DGAT2: variants seen among roughly 807,000 people sequenced by gnomAD.
DGAT2 encodes the protein acyl-CoA retinol O-fatty-acyltransferase.
DGAT2 carries 33 observed loss-of-function variants against 48.4 expected under a neutral mutation model. The observed-to-expected ratio is 0.68, with a 90% CI of 0.52 to 0.91. The LOEUF is 0.91. Ranked by LOEUF, DGAT2 falls within the 40% of genes least tolerant of loss-of-function variation. The probability of loss-of-function intolerance (pLI) is 0.00; values close to 1 mark genes in which losing one functional copy is unlikely to be tolerated. For missense variants in DGAT2, 446 were observed against 493.7 expected (o/e 0.90, Z 0.92); for synonymous variants, 191 against 194.1 (o/e 0.98, Z 0.13).
intron 2 of DGAT2, among the ~76,000 whole-genome samples, chr11:75,785,627 C>A (rs150561662): frequency 6.6e-6 from 1 of 152,198 alleles, no homozygotes; most frequent in South Asian, 2.1e-4. Context: ...TTCCTCAGCA[C>A]GTCAAGGCAG....
At chr11:75,790,806 C>A in intron 4 of DGAT2, 75 bp downstream of exon 4, 1 of 1,523,064 alleles carries the variant, frequency 6.6e-7, no homozygotes, top group Non-Finnish European at 9.1e-7. Flanking sequence ...AACCCACCCA[C>A]AGGGAAGCAA....
intron 2 of DGAT2, among the ~76,000 whole-genome samples, chr11:75,788,441 T>C (rs2135772174): frequency 6.6e-6 from 1 of 152,308 alleles, no homozygotes; most frequent in Non-Finnish European, 1.5e-5. Context: ...TCCTGAAAAA[T>C]TGGACATCTC....
At chr11:75,785,546 G>A (rs572297579) in intron 2 of DGAT2, among the ~76,000 whole-genome samples, 20 of 152,318 alleles carry the variant, frequency 1.3e-4, no homozygotes, top group Admixed American at 5.9e-4. Flanking sequence ...AGGACAACAC[G>A]AATGTCTGAG....
intron 7 of DGAT2, among the ~76,000 whole-genome samples, 161 bp downstream of exon 7, chr11:75,798,590 G>A (rs1380796944): frequency 1.3e-5 from 2 of 149,716 alleles, no homozygotes; most frequent in African/African-American, 4.9e-5. Context: ...TGGTCAGGAG[G>A]GGTAGTAGTA....
In DGAT2 at chr11:75,769,056, G is replaced by A; in HGVS notation, c.65G>A (p.Arg22Gln). Residue 22 changes from arginine (R) to glutamine (Q), a missense_variant, in exon 1 of 8, where the codon CGG (arginine) becomes CAG (glutamine). Physicochemically the swap from Arg to Gln is conservative, Grantham distance 43. Coordinates refer to ENST00000228027, the MANE Select transcript of DGAT2 (RefSeq NM_032564.5). ...GGCGAGCGTCAGGCCGAGGCTGACC[G>A]GAGCCAGCGCTCTCACGGAGGACCT... ...LRGERQAEAD[R>Q]SQRSHGGPAL... 6.3e-7 allele frequency: 1 copy of A among 1,582,052 alleles called. No homozygotes were observed. The highest frequency in any genetic ancestry group is 8.6e-7 in the Non-Finnish European group (1 of 1,166,892).
intron 1 of DGAT2, among the ~76,000 whole-genome samples, chr11:75,783,339 C>T (rs980939429): frequency 6.6e-6 from 1 of 152,216 alleles, no homozygotes; most frequent in African/African-American, 2.4e-5. Flanking sequence ...CTTCCTTCCT[C>T]CTAAAAGTCA....
intron 7 of DGAT2, 125 bp from the exon 8 acceptor site, chr11:75,800,228 TA>T: frequency 8.3e-7 from 1 of 1,206,840 alleles, no homozygotes; most frequent in Non-Finnish European, 1.1e-6. Flanking sequence ...ATGCAGCACA[TA>T]AAGCATTTGG....
intron 4 of DGAT2, 64 bp from the exon 5 acceptor site, chr11:75,796,264 C>T (rs562950847): frequency 1.0e-4 from 149 of 1,452,472 alleles, no homozygotes; most frequent in Non-Finnish European, 1.4e-4. Flanking sequence ...CCTCCCTACC[C>T]TCCGGGTATG....
At chr11:75,785,747 T>TA (rs1944916006) in intron 2 of DGAT2, among the ~76,000 whole-genome samples, 1 of 152,198 alleles carries the variant, frequency 6.6e-6, no homozygotes, top group Non-Finnish European at 1.5e-5. Context: ...CATCAGGACT[T>TA]ACCATGTCAG....
chr11:75,772,265 G>C (rs981618682), intron 1 of DGAT2, among the ~76,000 whole-genome samples: 1 of 152,150 alleles, frequency 6.6e-6, no homozygotes, highest in Non-Finnish European at 1.5e-5. Flanking sequence ...TGGCTGCCAG[G>C]TGAATGCCAG....
chr11:75,791,278 T>TG (rs1944986669), intron 4 of DGAT2, among the ~76,000 whole-genome samples: 1 of 152,210 alleles, frequency 6.6e-6, no homozygotes, highest in South Asian at 2.1e-4. Context: ...CCTGGTGTGT[T>TG]GCCTGGGGGC....
intron 1 of DGAT2, among the ~76,000 whole-genome samples, chr11:75,783,144 T>C (rs531404250): frequency 5.3e-5 from 8 of 152,340 alleles, no homozygotes; most frequent in Admixed American, 5.2e-4. Context: ...AGTGGTGTTA[T>C]TAGATGCTAC....
intron 1 of DGAT2, among the ~76,000 whole-genome samples, chr11:75,771,341 G>A (rs1165264518): frequency 6.6e-6 from 1 of 152,028 alleles, no homozygotes; most frequent in Non-Finnish European, 1.5e-5. Context: ...CCTTTGGATT[G>A]GGGGCTCTTC....
intron 1 of DGAT2, among the ~76,000 whole-genome samples, chr11:75,771,410 A>G (rs1004092680): frequency 2.0e-5 from 3 of 152,106 alleles, no homozygotes. Flanking sequence ...AGGACCTAGC[A>G]TGAGATGTTG....
At chr11:75,772,557 C>G (rs1186043704) in intron 1 of DGAT2, among the ~76,000 whole-genome samples, 1 of 152,186 alleles carries the variant, frequency 6.6e-6, no homozygotes, top group African/African-American at 2.4e-5. Context: ...CCTGGCCACC[C>G]TATCTAGAGA....
At chr11:75,798,679 G>A (rs1329307352) in intron 7 of DGAT2, among the ~76,000 whole-genome samples, 9 of 152,200 alleles carry the variant, frequency 5.9e-5, no homozygotes, top group African/African-American at 1.7e-4. Flanking sequence ...CTCTGGGTTT[G>A]CAGCACCCAC....
Position 75,768,926 on chromosome 11 carries a change from G to A in DGAT2, c.-66G>A, listed in dbSNP as rs1944727212. The A allele has an allele frequency of 7.3e-7, 1 of 1,376,248 alleles. No individual in the cohort carries two copies. The highest frequency in any genetic ancestry group is 9.4e-7 in the Non-Finnish European group (1 of 1,069,252). 85.3% of individuals were successfully genotyped at this position (1,376,248 alleles called of 1,614,324 possible). On this transcript the variant is annotated 5_prime_UTR_variant, in exon 1 of 8. Coordinates refer to ENST00000228027, the MANE Select transcript of DGAT2 (RefSeq NM_032564.5). ...CGCGAAGCCCTGGCCCCGGGGGCCGGGGCATGGGCCAGGGGCGCGGGGTGA... is the reference window on the plus strand; with the variant it reads ...CGCGAAGCCCTGGCCCCGGGGGCCGAGGCATGGGCCAGGGGCGCGGGGTGA...
At position 75,800,468 on chromosome 11, in the gene DGAT2, A is replaced by T; in HGVS notation, c.1127A>T (p.Lys376Met). ...LVKLFDKHKT[K>M]FGLPETEVLE... is the part of the protein sequence containing the mutation. The stretch of plus-strand genomic sequence containing the variant: ...AAGCTCTTCGACAAGCACAAGACCA[A>T]GTTCGGCCTCCCGGAGACTGAGGTC... The change falls in exon 8 of 8, where the codon AAG becomes ATG. Residue 376 changes from lysine to methionine, a missense_variant. Physicochemically the swap from Lys to Met is moderately conservative, Grantham distance 95 (BLOSUM62 -1). Coordinates refer to ENST00000228027, the MANE Select transcript of DGAT2 (RefSeq NM_032564.5). The T allele has an allele frequency of 3.7e-6, 6 of 1,614,190 alleles. No individual in the cohort carries two copies. Among genetic ancestry groups the T allele is most frequent in the Non-Finnish European group, 4.2e-6 (5 of 1,180,034 alleles).
intron 1 of DGAT2, 117 bp from the exon 2 acceptor site, chr11:75,784,501 T>C: frequency 1.4e-6 from 2 of 1,421,098 alleles, no homozygotes; most frequent in Non-Finnish European, 1.9e-6. Flanking sequence ...TGTCTGATTC[T>C]ATAGCTGATG....
Sources: gnomAD v4.1 joint callset for allele counts (sites outside exome capture counted in the v4.1 genomes callset) on GRCh38, gnomAD v4.1.1 for gene constraint, MANE v1.5 for transcripts, NCBI Gene and HGNC (gene_info 2026-07-23, HGNC 2026-07-21) for gene names.